CFAP65: variants seen among roughly 807,000 people sequenced by gnomAD.
CFAP65 encodes cilia and flagella associated protein 65, also known as cilia- and flagella-associated protein 65.
CFAP65 carries 155 observed loss-of-function variants against 208.0 expected under a neutral mutation model. The observed-to-expected ratio is 0.75, with a 90% CI of 0.65 to 0.85. CFAP65 has a LOEUF of 0.85. Ranked by LOEUF, CFAP65 falls within the 40% of genes least tolerant of loss-of-function variation. The pLI, the probability that CFAP65 is intolerant of heterozygous loss-of-function variation, is 0.00. For missense variants in CFAP65, 2,294 were observed against 2,451.3 expected (o/e 0.94, Z 1.36); for synonymous variants, 970 against 986.3 (o/e 0.98, Z 0.31).
chr2:219,005,953 C>T, intron 31 of CFAP65, 68 bp downstream of exon 31: 1 of 1,512,762 alleles, frequency 6.6e-7, no homozygotes, highest in Admixed American at 1.9e-5. Context: ...TCTGGGCAGC[C>T]CCTGCTCTGG....
At position 219,009,360 on chromosome 2, in the gene CFAP65, T is replaced by C. The variant is rs747803993; in HGVS notation, c.4553A>G (p.Asp1518Gly). The change falls in exon 28 of 35, where the codon GAC becomes GGC. Residue 1518 changes from aspartate (D) to glycine (G), a missense_variant. Transcript: ENST00000341552. ...GCTGGTTCCTACCTTGCATACCAGG[T>C]CTGCACTGTAGAAGCTGGCATGCAC... ...ASVHASFYSADLVCKLYSQQL... is the reference protein window; with the variant it reads ...ASVHASFYSAGLVCKLYSQQL... The C allele has an allele frequency of 8.7e-6, 14 of 1,612,018 alleles. No homozygotes were observed. In the African/African-American group the frequency reaches 1.7e-4, roughly 20 times the overall value.
chr2:219,013,212 T>C, intron 24 of CFAP65, 47 bp downstream of exon 24: 2 of 1,293,794 alleles, frequency 1.5e-6, no homozygotes, highest in African/African-American at 1.5e-5. Flanking sequence ...TACCTAGAGA[T>C]CAACACTTAG....
At chr2:219,018,713 T>C (rs1421569186) in intron 21 of CFAP65, 7 of 286,458 alleles carry the variant, frequency 2.4e-5, no homozygotes, top group South Asian at 9.1e-5. Flanking sequence ...TCCCACAGGA[T>C]TGGAGGAGAA....
chr2:219,027,969 G>T lies in CFAP65; in HGVS notation c.1892C>A (p.Pro631His). The change falls in exon 13 of 35, where the codon CCC (proline) becomes CAC (histidine). Residue 631 changes from proline to histidine, a missense_variant. Coordinates refer to ENST00000341552, the MANE Select transcript of CFAP65 (RefSeq NM_194302.4). ...DMPAPQYPYI[P>H]PMTEFFFDGT... is the part of the protein sequence containing the mutation. ...GTCGAAGAAGAACTCGGTCATGGGGGGGATATAAGGGTACTGCGGGGCCGG... is the reference window on the plus strand; with the variant it reads ...GTCGAAGAAGAACTCGGTCATGGGGTGGATATAAGGGTACTGCGGGGCCGG... 6.6e-7 allele frequency: 1 copy of T among 1,518,422 alleles called. No homozygotes were observed. Among genetic ancestry groups the T allele is most frequent in the Non-Finnish European group, 8.8e-7 (1 of 1,134,384 alleles). The allele number at this position is 1,518,422 out of a possible 1,614,324, so 94.1% of individuals were successfully genotyped here.
rs1210230947 is a variant in CFAP65, at chr2:219,031,926, T to C, written c.646-268A>G. Among the ~76,000 whole-genome samples the C allele has an allele frequency of 1.2e-5, 1 of 83,764 alleles. No homozygotes were observed. The highest frequency in any genetic ancestry group is 3.3e-4 in the South Asian group (1 of 3,074). 55.0% of individuals were successfully genotyped at this position (83,764 alleles called of 152,430 possible). A position where few individuals can be genotyped will look rare whatever the true frequency, so the allele number is the denominator to read the frequency against. On this transcript the variant is annotated intron_variant, in intron 6 of 34. Transcript: ENST00000341552. This position sits in a 1 kb window ranked among gnomAD's most constrained non-coding sequence, Gnocchi z 5.2. ...TGTAGAAGGGGTTTCTTTTCTTTTC[T>C]TTTTTTTTTTTTTTTTTTGAGTCTC...
chr2:219,039,138 A>G (rs1948537133), intron 2 of CFAP65, 88 bp from the exon 3 acceptor site: 3 of 1,163,064 alleles, frequency 2.6e-6, no homozygotes, highest in African/African-American at 3.0e-5. Flanking sequence ...ATGCAAATAT[A>G]TGTGGCACAT....
intron 26 of CFAP65, 54 bp from the exon 27 acceptor site, chr2:219,010,139 C>T (rs1390083030): frequency 1.4e-5 from 21 of 1,517,622 alleles, no homozygotes; most frequent in Non-Finnish European, 1.8e-5. Context: ...CATGGTGGCT[C>T]ACGCCTGTAA....
At chr2:219,035,440 A>C in intron 5 of CFAP65, 40 bp downstream of exon 5, 1 of 1,614,084 alleles carries the variant, frequency 6.2e-7, no homozygotes, top group East Asian at 2.2e-5. Context: ...TTCGGGGCTC[A>C]AGGCTGTGGC....
intron 29 of CFAP65, among the ~76,000 whole-genome samples, chr2:219,007,720 A>G (rs1946120332): frequency 6.6e-6 from 1 of 152,154 alleles, no homozygotes; most frequent in South Asian, 2.1e-4. Context: ...GGCGCCAGGC[A>G]CTGTTCTAGG....
Position 219,024,171 on chromosome 2 carries a change from G to T in CFAP65, c.2439C>A (p.Ala813=), listed in dbSNP as rs146434958. The T allele has an allele frequency of 1.1e-5, 18 of 1,613,906 alleles. No homozygotes were observed. In the African/African-American group the frequency reaches 2.4e-4, roughly 22 times the overall value. Residue 813 remains alanine, a synonymous_variant, in exon 15 of 35, where the codon GCC becomes GCA. Transcript: ENST00000341552. The stretch of plus-strand genomic sequence containing the variant: ...GGATGACGTCTGAGCCTCTCTGGGG[G>T]GCCAGGCTGAAGGTCAGCAGCTTGC... The part of the protein sequence containing the change: ...KDCKLLTFSL[A]PQRGSDVILR...
In CFAP65 at chr2:219,009,127, A is replaced by G. The variant is rs1438727333; in HGVS notation, c.4594T>C (p.Tyr1532His). ...TTCCACTCCTGCAGCTCCTTGTGATACTGCCTCATGAGCTGCTGCGAGTAC... is the reference window on the plus strand; with the variant it reads ...TTCCACTCCTGCAGCTCCTTGTGATGCTGCCTCATGAGCTGCTGCGAGTAC... ...KLYSQQLMRQ[Y>H]HKELQEWKDE... The change falls in exon 29 of 35, where the codon TAT becomes CAT. Residue 1532 changes from tyrosine to histidine, a missense_variant. By Grantham distance (83) the Tyr-to-His change is moderately conservative. Transcript: ENST00000341552. The G allele has an allele frequency of 4.3e-6, 7 of 1,612,712 alleles. No individual in the cohort carries two copies. Among genetic ancestry groups the G allele is most frequent in the Non-Finnish European group, 5.9e-6 (7 of 1,179,912 alleles).
rs1472995949 is a variant in CFAP65 at position 219,031,847 on chromosome 2, G to A, written c.646-189C>T. 6.6e-6 allele frequency among the ~76,000 whole-genome samples: 1 copy of A among 152,082 alleles called. No individual in the cohort carries two copies. The highest frequency in any genetic ancestry group is 1.5e-5 in the Non-Finnish European group (1 of 68,014). On this transcript the variant is annotated intron_variant, in intron 6 of 34. Coordinates refer to ENST00000341552, the MANE Select transcript of CFAP65 (RefSeq NM_194302.4). This position sits in a 1 kb window ranked among gnomAD's most constrained non-coding sequence, Gnocchi z 5.2. ...CTCAAACATTAGAGCCTCTTTTGTG[G>A]AAAAAGTATTTTGAGGAAATGTGGG...
chr2:219,021,791 T>C lies in CFAP65; in HGVS notation c.3119A>G (p.Asn1040Ser), dbSNP rs764399602. The change falls in exon 18 of 35, where the codon AAC becomes AGC. Residue 1040 changes from asparagine to serine, a missense_variant. Around this residue, in one of 2 missense-constraint regions of CFAP65, gnomAD observed 1,427 missense variants for 1,438.7 expected, o/e 0.99. Transcript: ENST00000341552. The part of the protein sequence containing the change: ...LEQGSPEAVD[N>S]HPLALQLDRT... ...TCAGGCCCAAGTACCGAGGGGGTGG[T>C]TGTCAACGGCCTCAGGGCTGCCCTG... 1.2e-6 allele frequency: 2 copies of C among 1,613,366 alleles called. No homozygotes were observed. Among genetic ancestry groups the C allele is most frequent in the Non-Finnish European group, 1.7e-6 (2 of 1,179,880 alleles).
rs1434294950 is a variant in CFAP65, at chr2:219,031,979, G to A, written c.646-321C>T. ...TCTGTCACCCAGGCTGGAGTGCAGT[G>A]GTGAGATCTCAGCTCACTGCAACAG... On this transcript the variant is annotated intron_variant, in intron 6 of 34. Transcript: ENST00000341552. This position sits in a 1 kb window ranked among gnomAD's most constrained non-coding sequence, Gnocchi z 5.2. 1.3e-5 allele frequency among the ~76,000 whole-genome samples: 2 copies of A among 148,556 alleles called. No individual in the cohort carries two copies. The highest frequency in any genetic ancestry group is 3.0e-5 in the Non-Finnish European group (2 of 67,336).
chr2:219,028,278 G>A lies in CFAP65; in HGVS notation c.1774C>T (p.Pro592Ser), dbSNP rs752543705. The change falls in exon 12 of 35, where the codon CCT becomes TCT. Residue 592 changes from proline (P) to serine (S), a missense_variant. This residue lies in a region of CFAP65 where 867 missense variants were observed against 1,012.6 expected (regional missense o/e 0.86). Transcript: ENST00000341552. ...TTCAGCATGGCATCCAGGATGTCAG[G>A]GGGGTAGAGCGTCAGGCCCCGGGCC... Reference protein sequence around the residue: ...HLARGLTLYPPDILDAMLKEK... With the variant: ...HLARGLTLYPSDILDAMLKEK... 3.7e-6 allele frequency: 6 copies of A among 1,614,148 alleles called. No homozygotes were observed. Among genetic ancestry groups the A allele is most frequent in the East Asian group, 4.5e-5 (2 of 44,872 alleles).
Position 219,028,421 on chromosome 2 carries a change from G to A in CFAP65, c.1651-20C>T. ...TGGGTCCTGTGACATTTGTCTGTGT[G>A]TGGTGGGGCATGGGAGGGGTGGTAG... On this transcript the variant is annotated intron_variant, in intron 11 of 34. Coordinates refer to ENST00000341552, the MANE Select transcript of CFAP65 (RefSeq NM_194302.4). The A allele has an allele frequency of 3.1e-6, 5 of 1,610,368 alleles. No individual in the cohort carries two copies. The highest frequency in any genetic ancestry group is 4.2e-6 in the Non-Finnish European group (5 of 1,178,278).
chr2:219,031,772 G>A lies in CFAP65; in HGVS notation c.646-114C>T, dbSNP rs75966210. ...ACCGCTGAGGGGAGGGCCAGGCCGT[G>A]GCACCCACGTCAGACTCTGAGGGGA... On this transcript the variant is annotated intron_variant, in intron 6 of 34. Coordinates refer to ENST00000341552, the MANE Select transcript of CFAP65 (RefSeq NM_194302.4). The surrounding 1 kb of genome is among the most constrained non-coding windows in gnomAD (Gnocchi z 5.2). 1,927 of 1,297,478 alleles carry A rather than the reference G, an allele frequency of 1.5e-3. 29 individuals carry two copies. In the African/African-American group the frequency reaches 0.026, roughly 18 times the overall value. 80.4% of individuals were successfully genotyped at this position (1,297,478 alleles called of 1,614,324 possible). A position where few individuals can be genotyped will look rare whatever the true frequency, so the allele number is the denominator to read the frequency against.
Position 219,022,289 on chromosome 2 carries a change from T to C in CFAP65, c.2861A>G (p.Tyr954Cys). 6.2e-7 allele frequency: 1 copy of C among 1,607,544 alleles called. No homozygotes were observed. The highest frequency in any genetic ancestry group is 2.2e-5 in the East Asian group (1 of 44,726). The change falls in exon 17 of 35, where the codon TAC (tyrosine) becomes TGC (cysteine). Residue 954 changes from tyrosine (Y) to cysteine (C), a missense_variant. Coordinates refer to ENST00000341552, the MANE Select transcript of CFAP65 (RefSeq NM_194302.4). ...WTFSPLEETK[Y>C]LFQVGMWVWE... ...GACCCACATCCCCACTTGGAACAGG[T>C]ACTTGGTCTCCTCCAAAGGGCTGAA...
At chr2:219,015,474 C>G (rs1946812435) in intron 21 of CFAP65, 1 of 152,174 alleles carries the variant, frequency 6.6e-6, no homozygotes, top group South Asian at 2.1e-4. Context: ...TCAGGGAGGC[C>G]TAAGTCCAAA....
Sources: gnomAD v4.1 joint callset for allele counts (sites outside exome capture counted in the v4.1 genomes callset) on GRCh38, gnomAD v4.1.1 for gene constraint, gnomAD v4.1.1 regional missense constraint, Gnocchi (gnomAD v3.1) non-coding constraint, MANE v1.5 for transcripts, NCBI Gene and HGNC (gene_info 2026-07-23, HGNC 2026-07-21) for gene names.